Variants in AHNAK2 observed in about 807,000 individuals in gnomAD.
The protein encoded by AHNAK2 is AHNAK nucleoprotein 2, also known as protein AHNAK2.
A neutral mutation model predicts 30.7 loss-of-function variants in AHNAK2; 18 were observed. That is an observed-to-expected ratio of 0.59 (90% CI 0.41 to 0.87). The LOEUF (loss-of-function observed/expected upper bound fraction) is 0.87, where lower values mean the gene tolerates loss of function less well. Among genes scored for constraint, AHNAK2 ranks in the 40% least tolerant of loss-of-function variants. AHNAK2 has a pLI of 0.00. For missense variants in AHNAK2, 8,604 were observed against 7,373.0 expected, an observed-to-expected ratio of 1.17 and a Z score of -6.11; for synonymous variants, 3,590 against 3,073.8, an observed-to-expected ratio of 1.17 and a Z score of -5.56.
Position 104,953,586 on chromosome 14 carries a change from T to A in AHNAK2, c.1865A>T (p.Asp622Val). The A allele has an allele frequency of 6.2e-7, 1 of 1,614,064 alleles. No homozygotes were observed. The highest frequency in any genetic ancestry group is 8.5e-7 in the Non-Finnish European group (1 of 1,179,906). ...GREGEATATA[D>V]RREQRRTEEG... ...CTCTGTGCGTCTCTGTTCTCTTCTA[T>A]CAGCTGTTGCTGTGGCCTCTCCTTC... Residue 622 changes from aspartate to valine, a missense_variant, in exon 7 of 7, where the codon GAT becomes GTT. Transcript: ENST00000333244.
intron 1 of AHNAK2, among the ~76,000 whole-genome samples, chr14:104,972,852 C>T (rs190085243): frequency 3.3e-5 from 5 of 152,356 alleles, no homozygotes; most frequent in South Asian, 2.1e-4. Context: ...GAGCCCCTGG[C>T]GGTGGGTGCC....
chr14:104,945,874 T>G lies in AHNAK2; in HGVS notation c.9577A>C (p.Ile3193Leu). 4.6e-6 allele frequency: 6 copies of G among 1,312,098 alleles called. 1 individual carries two copies. The highest frequency in any genetic ancestry group is 6.4e-6 in the Non-Finnish European group (6 of 938,476). 81.3% of individuals were successfully genotyped at this position (1,312,098 alleles called of 1,614,324 possible). A position where few individuals can be genotyped will look rare whatever the true frequency, so the allele number is the denominator to read the frequency against. ...TCCAGTTGGGCAGAGGGGGGCTCAA[T>G]GCTGATGTCAGTGTTCTTCAGGTCC... ...QGDLKNTDIS[I>L]EPPSAQLEVQ... is the part of the protein sequence containing the mutation. Residue 3193 changes from isoleucine to leucine, a missense_variant, in exon 7 of 7, where the codon ATT becomes CTT. Physicochemically the swap from Ile to Leu is conservative, Grantham distance 5 (BLOSUM62 2). Transcript: ENST00000333244.
intron 1 of AHNAK2, among the ~76,000 whole-genome samples, chr14:104,968,982 C>G (rs530149003): frequency 2.9e-4 from 44 of 152,352 alleles, no homozygotes; most frequent in Middle Eastern, 3.4e-3. Context: ...GCCGGCCGCA[C>G]TTGGGCCTCA....
At chr14:104,958,888 C>G in intron 1 of AHNAK2, among the ~76,000 whole-genome samples, 1 of 152,090 alleles carries the variant, frequency 6.6e-6, no homozygotes, top group Non-Finnish European at 1.5e-5. Context: ...AGAAAGGGCC[C>G]CATCACATAA....
chr14:104,961,222 T>G (rs1469179122), intron 1 of AHNAK2, among the ~76,000 whole-genome samples: 1 of 149,840 alleles, frequency 6.7e-6, no homozygotes, highest in African/African-American at 2.5e-5. Flanking sequence ...AGTGCAAAAG[T>G]TGCTGTTGTG....
rs1898334659 is a variant in AHNAK2, at chr14:104,947,270, G to C, written c.8181C>G (p.Leu2727=). ...PEGHVPEGAG[L]KGHLPKLQMP... Reference sequence around the variant, plus strand: ...TCTGCAGCTTGGGCAGGTGCCCTTTGAGGCCGGCTCCCTCGGGAACGTGGC... The same window carrying C: ...TCTGCAGCTTGGGCAGGTGCCCTTTCAGGCCGGCTCCCTCGGGAACGTGGC... Residue 2727 remains leucine (L), a synonymous_variant, in exon 7 of 7, where the codon CTC becomes CTG. Transcript: ENST00000333244. 2.5e-6 allele frequency: 4 copies of C among 1,611,498 alleles called. No individual in the cohort carries two copies. The highest frequency in any genetic ancestry group is 2.7e-5 in the African/African-American group (2 of 74,028).
At position 104,952,737 on chromosome 14, in the gene AHNAK2, G is replaced by C; in HGVS notation, c.2714C>G (p.Pro905Arg). 1.2e-6 allele frequency: 2 copies of C among 1,612,506 alleles called. No homozygotes were observed. Among genetic ancestry groups the C allele is most frequent in the South Asian group, 1.1e-5 (1 of 91,016 alleles). ...TTTGGGGCCGGCTCCCTCGGGCACA[G>C]GGCCCTCCGGAAGTTTCACATCCAC... ...GQVDVKLPEG[P>R]VPEGAGPKVH... is the part of the protein sequence containing the mutation. The change falls in exon 7 of 7, where the codon CCT becomes CGT. Residue 905 changes from proline (P) to arginine (R), a missense_variant. Transcript: ENST00000333244.
intron 1 of AHNAK2, among the ~76,000 whole-genome samples, chr14:104,959,150 T>C (rs1899063118): frequency 6.6e-6 from 1 of 152,048 alleles, no homozygotes; most frequent in Non-Finnish European, 1.5e-5. Flanking sequence ...GCCTGAGCAA[T>C]ATAGTAAGAT....
At position 104,941,173 on chromosome 14, in the gene AHNAK2, G is replaced by C; in HGVS notation, c.14278C>G (p.Pro4760Ala). ...SACSEPSMQMPKVGFAGFPSS... is the reference protein window; with the variant it reads ...SACSEPSMQMAKVGFAGFPSS... ...GGAAACCCAGCAAAACCCACCTTAG[G>C]CATCTGCATGGATGGCTCTGAACAA... is the stretch of plus-strand genomic sequence containing the variant. Residue 4760 changes from proline to alanine, a missense_variant, in exon 7 of 7, where the codon CCT becomes GCT. Transcript: ENST00000333244. 1.2e-6 allele frequency: 2 copies of C among 1,613,528 alleles called. No homozygotes were observed. The highest frequency in any genetic ancestry group is 2.2e-5 in the South Asian group (2 of 91,076).
chr14:104,973,114 T>A (rs983060979), intron 1 of AHNAK2, among the ~76,000 whole-genome samples: 2 of 152,184 alleles, frequency 1.3e-5, no homozygotes, highest in South Asian at 2.1e-4. Context: ...TGGGACTCAG[T>A]GGTCAGGCAG....
Position 104,946,209 on chromosome 14 carries a change from A to C in AHNAK2, c.9242T>G (p.Ile3081Arg). ...MPKVDRKGPQ[I>R]DVKGPKLDLK... ...GTCCAGCTTGGGGCCCTTGACATCT[A>C]TCTGGGGTCCCTTGCGATCTACTTT... The change falls in exon 7 of 7, where the codon ATA (isoleucine) becomes AGA (arginine). Residue 3081 changes from isoleucine to arginine, a missense_variant. Coordinates refer to ENST00000333244, the MANE Select transcript of AHNAK2 (RefSeq NM_138420.4). 6.3e-7 allele frequency: 1 copy of C among 1,592,932 alleles called. No homozygotes were observed. The highest frequency in any genetic ancestry group is 8.5e-7 in the Non-Finnish European group (1 of 1,169,810).
At chr14:104,969,519 C>A (rs1036489447) in intron 1 of AHNAK2, among the ~76,000 whole-genome samples, 1 of 152,250 alleles carries the variant, frequency 6.6e-6, no homozygotes, top group Admixed American at 6.5e-5. Context: ...CTCCCTGGTC[C>A]CCAGAACACT....
chr14:104,950,047 T>A lies in AHNAK2; in HGVS notation c.5404A>T (p.Ser1802Cys). 6.3e-7 allele frequency: 1 copy of A among 1,583,956 alleles called. No individual in the cohort carries two copies. Among genetic ancestry groups the A allele is most frequent in the African/African-American group, 1.4e-5 (1 of 71,410 alleles). Residue 1802 changes from serine (S) to cysteine (C), a missense_variant, in exon 7 of 7, where the codon AGT (serine) becomes TGT (cysteine). Coordinates refer to ENST00000333244, the MANE Select transcript of AHNAK2 (RefSeq NM_138420.4). ...GACAGGTCACCCTCCAGCCGCACAC[T>A]GTCCAGCTTGGCTCCTGGAGCCTCG... ...DVEAPGAKLD[S>C]VRLEGDLSLA...
rs1897993367 is a variant in AHNAK2, at chr14:104,941,698, G to A, written c.13753C>T (p.Pro4585Ser). 4 of 1,613,682 alleles carry A rather than the reference G, an allele frequency of 2.5e-6. No homozygotes were observed. The highest frequency in any genetic ancestry group is 3.4e-6 in the Non-Finnish European group (4 of 1,179,860). ...CTGGGCAGAGACACCTCCACATCGGGGGCCATCACCTCTGCCTTTGGGCCT... is the reference window on the plus strand; with the variant it reads ...CTGGGCAGAGACACCTCCACATCGGAGGCCATCACCTCTGCCTTTGGGCCT... ...LKGPKAEVMA[P>S]DVEVSLPSVE... The change falls in exon 7 of 7, where the codon CCC becomes TCC. Residue 4585 changes from proline (P) to serine (S), a missense_variant. By Grantham distance (74) the Pro-to-Ser change is moderately conservative (BLOSUM62 -1). Coordinates refer to ENST00000333244, the MANE Select transcript of AHNAK2 (RefSeq NM_138420.4).
At chr14:104,965,278 G>A (rs1036519047) in intron 1 of AHNAK2, among the ~76,000 whole-genome samples, 5 of 151,838 alleles carry the variant, frequency 3.3e-5, no homozygotes, top group African/African-American at 1.2e-4. Flanking sequence ...GCAGGCGCCT[G>A]TAATCCCAGC....
Position 104,939,177 on chromosome 14 carries a change from C to A in AHNAK2, c.16274G>T (p.Cys5425Phe). 1 of 1,613,408 alleles carries A rather than the reference C, an allele frequency of 6.2e-7. No homozygotes were observed. Among genetic ancestry groups the A allele is most frequent in the Non-Finnish European group, 8.5e-7 (1 of 1,179,748 alleles). The change falls in exon 7 of 7, where the codon TGT becomes TTT. Residue 5425 changes from cysteine (C) to phenylalanine (F), a missense_variant. By Grantham distance (205) the Cys-to-Phe change is radical. Coordinates refer to ENST00000333244, the MANE Select transcript of AHNAK2 (RefSeq NM_138420.4). Reference protein sequence around the residue: ...CPEANIDTALCKESPGLWGAS... With the variant: ...CPEANIDTALFKESPGLWGAS... ...TCCCCAGAGCCCCGGACTTTCCTTACAAAGGGCTGTATCAATATTGGCCTC... is the reference window on the plus strand; with the variant it reads ...TCCCCAGAGCCCCGGACTTTCCTTAAAAAGGGCTGTATCAATATTGGCCTC...
rs566126041 is a variant in AHNAK2, at chr14:104,949,421, C to T, written c.6030G>A (p.Ser2010=). The T allele has an allele frequency of 2.1e-4, 333 of 1,586,026 alleles. 43 individuals are homozygous for T. The Admixed American group carries it at 3.8e-3, about 18-fold the overall frequency. The change falls in exon 7 of 7, where the codon TCG becomes TCA. Residue 2010 remains serine (S), a synonymous_variant. Transcript: ENST00000333244. ...VSAPGRSIEA[S]VDVPAPKVEA... ...CCACCTTGGGTGCAGGCACATCCAC[C>T]GAGGCCTCGATGGACCTCCCTGGGG...
In AHNAK2 at chr14:104,938,192, A is replaced by AG. The variant is rs1469339926; in HGVS notation, c.17258dup (p.Val5754CysfsTer29). 1.9e-6 allele frequency: 3 copies of AG among 1,613,984 alleles called. No individual in the cohort carries two copies. In the East Asian group the frequency reaches 6.7e-5, roughly 36 times the overall value. On this transcript the variant is annotated frameshift_variant, in exon 7 of 7. Transcript: ENST00000333244. LOFTEE classifies it low-confidence loss of function (END_TRUNC). ...CTCTGGAGTCCAGCCCAGTGCCCAC[A>AG]GGCCCGATCAGTTCACCCTCTTCCT... is the stretch of plus-strand genomic sequence containing the variant.
At chr14:104,962,228 A>C (rs1899168184) in intron 1 of AHNAK2, among the ~76,000 whole-genome samples, 1 of 152,172 alleles carries the variant, frequency 6.6e-6, no homozygotes, top group Non-Finnish European at 1.5e-5. Context: ...TCAGGTGCAC[A>C]GGGGACAGTC....
Sources: allele counts gnomAD v4.1 joint callset (sites outside exome capture counted in the v4.1 genomes callset), GRCh38; gene constraint gnomAD v4.1.1; transcripts MANE v1.5; gene names NCBI Gene and HGNC (gene_info 2026-07-23, HGNC 2026-07-21).